Variants in TRAM2 observed in about 807,000 individuals in gnomAD.
The protein encoded by TRAM2 is translocation associated membrane protein 2, also known as translocating chain-associated membrane protein 2.
Under a neutral mutation model 51.0 loss-of-function variants are expected in TRAM2, and 12 were observed. The observed-to-expected ratio is 0.24, with a 90% CI of 0.15 to 0.38. The LOEUF (loss-of-function observed/expected upper bound fraction) is 0.38, where lower values mean the gene tolerates loss of function less well. TRAM2 is among the 10% of genes least tolerant of loss of function. The pLI, the probability that TRAM2 is intolerant of heterozygous loss-of-function variation, is 1.00. For synonymous variants in TRAM2, 175 were observed against 179.4 expected, an observed-to-expected ratio of 0.98 and a Z score of 0.20; for missense variants, 361 against 462.0, an observed-to-expected ratio of 0.78 and a Z score of 2.00.
Position 52,516,025 on chromosome 6 carries a change from C to T in TRAM2, c.392G>A (p.Cys131Tyr). The T allele has an allele frequency of 6.2e-7, 1 of 1,614,220 alleles. No homozygotes were observed. Among genetic ancestry groups the T allele is most frequent in the Non-Finnish European group, 8.5e-7 (1 of 1,180,022 alleles). ...GCTCACCGTCACCACCACGTAGAAG[C>T]ACCAAATCACCGAGGTGAAATGAAA... is the stretch of plus-strand genomic sequence containing the variant. Reference protein sequence around the residue: ...VVFHFTSVIWCFYVVVTEGYL... With the variant: ...VVFHFTSVIWYFYVVVTEGYL... Residue 131 changes from cysteine to tyrosine, a missense_variant, in exon 4 of 11, where the codon TGC (cysteine) becomes TAC (tyrosine). Cys to Tyr is a radical substitution (Grantham distance 194, BLOSUM62 -2). Transcript: ENST00000182527.
chr6:52,571,855 AATAGTC>A (rs1194901907), intron 1 of TRAM2, among the ~76,000 whole-genome samples: 1 of 152,236 alleles, frequency 6.6e-6, no homozygotes, highest in Non-Finnish European at 1.5e-5. Context: ...AGTCAGTACC[AATAGTC>A]ATCCGTGTAC....
At chr6:52,560,024 T>TG (rs1767471744) in intron 1 of TRAM2, among the ~76,000 whole-genome samples, 1 of 152,132 alleles carries the variant, frequency 6.6e-6, no homozygotes, top group African/African-American at 2.4e-5. Flanking sequence ...GTGGATCACC[T>TG]GAGGTCAGGA....
At chr6:52,552,237 G>T (rs534230899) in intron 1 of TRAM2, among the ~76,000 whole-genome samples, 45 of 152,338 alleles carry the variant, frequency 3.0e-4, no homozygotes, top group African/African-American at 9.6e-4. Flanking sequence ...AGCCCAGGGG[G>T]CACGGATGCA....
intron 2 of TRAM2, among the ~76,000 whole-genome samples, chr6:52,518,816 C>T (rs190301061): frequency 3.3e-5 from 5 of 152,198 alleles, no homozygotes; most frequent in Non-Finnish European, 5.9e-5. Flanking sequence ...ATTAGGTGGC[C>T]GCATATTTTG....
intron 2 of TRAM2, among the ~76,000 whole-genome samples, chr6:52,532,084 A>G (rs1331981341): frequency 6.6e-6 from 1 of 152,226 alleles, no homozygotes; most frequent in East Asian, 1.9e-4. Context: ...GTTCAGCTCT[A>G]GAGTGTGCTG....
intron 1 of TRAM2, among the ~76,000 whole-genome samples, chr6:52,556,221 G>A (rs1439904682): frequency 3.3e-5 from 5 of 151,918 alleles, no homozygotes. Flanking sequence ...GGAGAAGTGG[G>A]GCTCAGAGGT....
chr6:52,506,613 C>T (rs1330194662), intron 7 of TRAM2, among the ~76,000 whole-genome samples: 5 of 152,214 alleles, frequency 3.3e-5, no homozygotes, highest in Admixed American at 6.5e-5. Context: ...CGTTCTTCCC[C>T]GGTCCTCGCC....
intron 5 of TRAM2, 131 bp downstream of exon 5, chr6:52,509,397 C>A: frequency 1.3e-6 from 1 of 778,030 alleles, no homozygotes; most frequent in South Asian, 1.8e-5. Context: ...GTCTACCATC[C>A]ACAATAGGCT....
chr6:52,501,204 T>C lies in TRAM2; in HGVS notation c.*1993A>G, dbSNP rs1041995034. ...GGAGAAATGGGGGAAATACATATTTTCAAAAACACTGTCTCACTTCCTAAG... is the reference window on the plus strand; with the variant it reads ...GGAGAAATGGGGGAAATACATATTTCCAAAAACACTGTCTCACTTCCTAAG... On this transcript the variant is annotated 3_prime_UTR_variant, in exon 11 of 11. Coordinates refer to ENST00000182527, the MANE Select transcript of TRAM2 (RefSeq NM_012288.4). The C allele has an allele frequency of 6.6e-6, 1 of 152,154 alleles. No homozygotes were observed. Among genetic ancestry groups the C allele is most frequent in the Non-Finnish European group, 1.5e-5 (1 of 68,038 alleles). The allele number at this position is 152,154 out of a possible 1,614,324, so 9.4% of individuals were successfully genotyped here. A position where few individuals can be genotyped will look rare whatever the true frequency, so the allele number is the denominator to read the frequency against.
intron 2 of TRAM2, among the ~76,000 whole-genome samples, chr6:52,525,453 A>G (rs1191105089): frequency 6.6e-6 from 1 of 152,252 alleles, no homozygotes. Context: ...CATAGTTCTC[A>G]GACACATAAG....
chr6:52,504,816 G>A (rs911413331), intron 9 of TRAM2, 62 bp from the exon 10 acceptor site: 19 of 1,500,700 alleles, frequency 1.3e-5, no homozygotes, highest in South Asian at 3.6e-5. Flanking sequence ...GGGCTGGGTT[G>A]TGCAGGGGAG....
chr6:52,506,016 C>T lies in TRAM2; in HGVS notation c.731+16G>A. ...CCAGGCCTCTAAGCGGGCCAGCCTG[C>T]AGCAGACCCACTTACAGTTTCTCGT... On this transcript the variant is annotated intron_variant, in intron 8 of 10. Transcript: ENST00000182527. 2 of 1,612,032 alleles carry T rather than the reference C, an allele frequency of 1.2e-6. No homozygotes were observed. Among genetic ancestry groups the T allele is most frequent in the South Asian group, 2.2e-5 (2 of 91,036 alleles).
chr6:52,556,883 G>A lies in TRAM2; in HGVS notation c.120+19913C>T, dbSNP rs528377586. On this transcript the variant is annotated intron_variant, in intron 1 of 10. Coordinates refer to ENST00000182527, the MANE Select transcript of TRAM2 (RefSeq NM_012288.4). ...GCGGAGGTTGCAGTGAGCCAATATCGTGCCACTGCACTTCAGCCTGGATGA... is the reference window on the plus strand; with the variant it reads ...GCGGAGGTTGCAGTGAGCCAATATCATGCCACTGCACTTCAGCCTGGATGA... 5.4e-5 allele frequency among the ~76,000 whole-genome samples: 8 copies of A among 146,806 alleles called. No individual in the cohort carries two copies. The South Asian group carries it at 6.5e-4, about 12-fold the overall frequency.
chr6:52,521,957 C>T (rs773532790), intron 2 of TRAM2, among the ~76,000 whole-genome samples: 7 of 152,108 alleles, frequency 4.6e-5, no homozygotes, highest in Admixed American at 6.5e-5. Flanking sequence ...CAAAACAAAA[C>T]GCCTACAGGG....
intron 2 of TRAM2, among the ~76,000 whole-genome samples, chr6:52,526,783 G>C (rs1304800778): frequency 6.6e-6 from 1 of 152,174 alleles, no homozygotes; most frequent in Non-Finnish European, 1.5e-5. Context: ...CTAGGTGCCA[G>C]GCACATACTA....
At chr6:52,503,291 A>G in intron 10 of TRAM2, 21 bp from the exon 11 acceptor site, 1 of 1,608,322 alleles carries the variant, frequency 6.2e-7, no homozygotes, top group Non-Finnish European at 8.5e-7. Flanking sequence ...GAGAGAGACA[A>G]GCATACATGG....
At chr6:52,524,351 A>C (rs1766732614) in intron 2 of TRAM2, 2 of 147,766 alleles carry the variant, frequency 1.4e-5, no homozygotes, top group African/African-American at 5.0e-5. Context: ...GCAGGAAAGA[A>C]AAATATGCAT....
At chr6:52,507,471 C>G in intron 7 of TRAM2, 82 bp downstream of exon 7, 1 of 1,416,152 alleles carries the variant, frequency 7.1e-7, no homozygotes, top group Non-Finnish European at 9.9e-7. Context: ...TCAACAAATG[C>G]CTGATAATTA....
chr6:52,506,398 A>G (rs1192911614), intron 7 of TRAM2, among the ~76,000 whole-genome samples: 1 of 152,164 alleles, frequency 6.6e-6, no homozygotes, highest in Admixed American at 6.5e-5. Context: ...CAAACCTCGC[A>G]TAGGCCCTTC....
Sources: gnomAD v4.1 joint callset for allele counts (sites outside exome capture counted in the v4.1 genomes callset) on GRCh38, gnomAD v4.1.1 for gene constraint, MANE v1.5 for transcripts, NCBI Gene and HGNC (gene_info 2026-07-23, HGNC 2026-07-21) for gene names.